The following ACBD4 variants were observed in gnomAD, a reference collection of about 807,000 sequenced individuals.
ACBD4 encodes the protein acyl-CoA-binding domain-containing protein 4.
In ACBD4, 41 loss-of-function variants were observed where a neutral mutation model predicts 46.0. That is an observed-to-expected ratio of 0.89 (90% CI 0.69 to 1.16). The LOEUF is 1.16. ACBD4 is among the 50% of genes most tolerant of loss of function. The pLI is 0.00. For missense variants in ACBD4, 393 were observed against 399.5 expected (o/e 0.98, Z 0.14); for synonymous variants, 162 against 155.9 (o/e 1.04, Z -0.29).
chr17:45,141,789 A>G (rs2055287905), intron 9 of ACBD4, among the ~76,000 whole-genome samples: 1 of 152,224 alleles, frequency 6.6e-6, no homozygotes, highest in African/African-American at 2.4e-5. Flanking sequence ...GACCACTGGC[A>G]TGGTTGAAGG....
intron 9 of ACBD4, among the ~76,000 whole-genome samples, chr17:45,139,568 C>G (rs898062879): frequency 5.3e-5 from 8 of 152,184 alleles, no homozygotes; most frequent in Non-Finnish European, 7.3e-5. Flanking sequence ...CAACTCCTAG[C>G]TCTGCTTGCC....
At chr17:45,132,861 C>A (rs569286303), upstream of ACBD4, among the ~76,000 whole-genome samples, 1 of 152,162 alleles carries the variant, frequency 6.6e-6, no homozygotes, top group Non-Finnish European at 1.5e-5. The surrounding 1 kb of genome is among the most constrained non-coding windows in gnomAD (Gnocchi z 4.6). Context: ...TCCGCGTCCC[C>A]GTCGCGCCGC....
upstream of ACBD4, chr17:45,132,275 G>A (rs199707943): frequency 7.9e-7 from 1 of 1,268,806 alleles, no homozygotes; most frequent in Non-Finnish European, 9.9e-7. This position sits in a 1 kb window ranked among gnomAD's most constrained non-coding sequence, Gnocchi z 4.6. Context: ...CGCAGCCCGG[G>A]CCTCTTGGTG....
chr17:45,141,623 C>T (rs990799209), intron 9 of ACBD4, among the ~76,000 whole-genome samples: 1 of 152,138 alleles, frequency 6.6e-6, no homozygotes, highest in Non-Finnish European at 1.5e-5. Flanking sequence ...GGTGTCACTG[C>T]ACTCCAGCTT....
At position 45,139,032 on chromosome 17, in the gene ACBD4, G is replaced by C. The variant is rs766304951; in HGVS notation, c.661G>C (p.Gly221Arg). ...VPPTKKEGLR[G>R]SPPGPQELDV... Reference sequence around the variant, plus strand: ...TCTGTGCTCCGCAGAGGGGTTGCGGGGCAGCCCGCCGGGGCCCCAGGAGTT... The same window carrying C: ...TCTGTGCTCCGCAGAGGGGTTGCGGCGCAGCCCGCCGGGGCCCCAGGAGTT... The change falls in exon 9 of 10, where the codon GGC (glycine) becomes CGC (arginine). Residue 221 changes from glycine (G) to arginine (R), a missense_variant. Around this residue, in one of 3 missense-constraint regions of ACBD4, gnomAD observed 308 missense variants for 301.8 expected, o/e 1.02. Transcript: ENST00000321854. The C allele has an allele frequency of 3.0e-5, 49 of 1,613,036 alleles. No individual in the cohort carries two copies. The highest frequency in any genetic ancestry group is 4.1e-5 in the Non-Finnish European group (48 of 1,179,984).
intron 5 of ACBD4, 102 bp from the exon 6 acceptor site, chr17:45,137,266 G>T: frequency 1.3e-6 from 2 of 1,596,268 alleles, no homozygotes; most frequent in Non-Finnish European, 1.7e-6. Flanking sequence ...CCGAGAGGTG[G>T]ATCCCAGGCA....
chr17:45,141,435 C>T (rs2055267422), intron 9 of ACBD4, among the ~76,000 whole-genome samples: 1 of 152,194 alleles, frequency 6.6e-6, no homozygotes, highest in Non-Finnish European at 1.5e-5. Context: ...CGCCTGTAAT[C>T]CCAGCACTTT....
In ACBD4 at chr17:45,143,731, C is replaced by T. The variant is rs898044413; in HGVS notation, c.*160C>T. On this transcript the variant is annotated 3_prime_UTR_variant, in exon 10 of 10. Transcript: ENST00000321854. ...GCGCGGGGGGCAAATAAGACCCCAC[C>T]CCTCCCTGCAGCTTCACAGGGACGC... 8 of 1,218,284 alleles carry T rather than the reference C, an allele frequency of 6.6e-6. No individual in the cohort carries two copies. The highest frequency in any genetic ancestry group is 4.6e-5 in the African/African-American group (3 of 65,822). 75.5% of individuals were successfully genotyped at this position (1,218,284 alleles called of 1,614,324 possible). A position where few individuals can be genotyped will look rare whatever the true frequency, so the allele number is the denominator to read the frequency against.
At chr17:45,138,049 G>T in intron 8 of ACBD4, 61 bp downstream of exon 8, 1 of 1,511,594 alleles carries the variant, frequency 6.6e-7, no homozygotes, top group East Asian at 2.4e-5. Flanking sequence ...GGCACCCCAG[G>T]CTTTCTCTTG....
intron 2 of ACBD4, 34 bp downstream of exon 2, chr17:45,136,266 T>C: frequency 6.2e-7 from 1 of 1,608,696 alleles, no homozygotes. Flanking sequence ...TGGACTCGCA[T>C]TCAGGACGCC....
Position 45,137,813 on chromosome 17 carries a change from C to G in ACBD4, c.556C>G (p.Gln186Glu), listed in dbSNP as rs1263058819. The change falls in exon 7 of 10, where the codon CAG becomes GAG. Residue 186 changes from glutamine to glutamate, a missense_variant. Gln to Glu is a conservative substitution (Grantham distance 29). Coordinates refer to ENST00000321854, the MANE Select transcript of ACBD4 (RefSeq NM_001135705.3). ...CGAGGTTTTCTGTGATTCCCTGGAG[C>G]AGCTGGAGCCTGAGCTGGTGAGCCC... ...DSEVFCDSLE[Q>E]LEPELVWTEQ... 1 of 1,613,846 alleles carries G rather than the reference C, an allele frequency of 6.2e-7. No individual in the cohort carries two copies. Among genetic ancestry groups the G allele is most frequent in the Non-Finnish European group, 8.5e-7 (1 of 1,179,942 alleles).
chr17:45,139,982 T>C (rs1160695165), intron 9 of ACBD4, among the ~76,000 whole-genome samples: 1 of 152,190 alleles, frequency 6.6e-6, no homozygotes, highest in Non-Finnish European at 1.5e-5. Context: ...GGGTCTGTTC[T>C]TGAAAAGCCT....
rs1257060715 is a variant in ACBD4 at position 45,143,855 on chromosome 17, A to G, written c.*284A>G. The stretch of plus-strand genomic sequence containing the variant: ...TTGGCCGTGACTCGGGGGCGGGGCG[A>G]TCGGGTCTCAGCCCCTGCCTTCCCC... On this transcript the variant is annotated 3_prime_UTR_variant, in exon 10 of 10. Coordinates refer to ENST00000321854, the MANE Select transcript of ACBD4 (RefSeq NM_001135705.3). 1 of 495,424 alleles carries G rather than the reference A, an allele frequency of 2.0e-6. No individual in the cohort carries two copies. Among genetic ancestry groups the G allele is most frequent in the African/African-American group, 2.0e-5 (1 of 50,506 alleles). The allele number at this position is 495,424 out of a possible 1,614,324, so 30.7% of individuals were successfully genotyped here.
In ACBD4 at chr17:45,139,120, G is replaced by A; in HGVS notation, c.749G>A (p.Arg250Lys). 1 of 1,613,836 alleles carries A rather than the reference G, an allele frequency of 6.2e-7. No homozygotes were observed. The highest frequency in any genetic ancestry group is 1.3e-5 in the African/African-American group (1 of 75,044). Residue 250 changes from arginine to lysine, a missense_variant, in exon 9 of 10, where the codon AGG (arginine) becomes AAG (lysine). Physicochemically the swap from Arg to Lys is conservative, Grantham distance 26 (BLOSUM62 2). Transcript: ENST00000321854. Reference sequence around the variant, plus strand: ...GAGAGCATGCAGGAGGTGCAGGCGAGGGTGCAGAGCCTGGAGAGCATGCCC... The same window carrying A: ...GAGAGCATGCAGGAGGTGCAGGCGAAGGTGCAGAGCCTGGAGAGCATGCCC... ...LQESMQEVQA[R>K]VQSLESMPRP...
upstream of ACBD4, among the ~76,000 whole-genome samples, chr17:45,134,904 T>TC (rs142467173): frequency 0.014 from 2,070 of 151,114 alleles, 45 homozygotes; most frequent in East Asian, 0.044. Context: ...TGTACCCATT[T>TC]CCCCCCCTCC....
upstream of ACBD4, chr17:45,132,360 CG>C: frequency 2.4e-6 from 3 of 1,230,342 alleles, no homozygotes; most frequent in Non-Finnish European, 3.0e-6. The surrounding 1 kb of genome is among the most constrained non-coding windows in gnomAD (Gnocchi z 4.6). Flanking sequence ...GGGCGGCCAC[CG>C]GGGGCTCCTC....
Position 45,137,618 on chromosome 17 carries a change from C to A in ACBD4, c.503-142C>A, listed in dbSNP as rs1026145489. ...TCCTGTTCCAGGGCCTTGCTTCTGG[C>A]GCCCATCTGTGCCTCAGGTGTTGAT... is the stretch of plus-strand genomic sequence containing the variant. On this transcript the variant is annotated intron_variant, in intron 6 of 9. Coordinates refer to ENST00000321854, the MANE Select transcript of ACBD4 (RefSeq NM_001135705.3). 13 of 1,303,348 alleles carry A rather than the reference C, an allele frequency of 1.0e-5. No individual in the cohort carries two copies. In the East Asian group the frequency reaches 2.5e-4, roughly 25 times the overall value. The allele number at this position is 1,303,348 out of a possible 1,614,324, so 80.7% of individuals were successfully genotyped here. A position where few individuals can be genotyped will look rare whatever the true frequency, so the allele number is the denominator to read the frequency against.
intron 9 of ACBD4, among the ~76,000 whole-genome samples, chr17:45,142,128 C>T (rs1354254240): frequency 1.3e-5 from 2 of 151,858 alleles, no homozygotes; most frequent in South Asian, 2.1e-4. Flanking sequence ...TACGGTGGCT[C>T]ACGCCTGTAA....
Position 45,135,921 on chromosome 17 carries a change from C to T in ACBD4, c.-70C>T. The stretch of plus-strand genomic sequence containing the variant: ...AGGCCCTCGCCACCTGCCTCGCCAC[C>T]TGGCGACCCTGACCCCACCACACTG... On this transcript the variant is annotated 5_prime_UTR_variant, in exon 1 of 10. Coordinates refer to ENST00000321854, the MANE Select transcript of ACBD4 (RefSeq NM_001135705.3). The T allele has an allele frequency of 1.9e-6, 1 of 537,754 alleles. No individual in the cohort carries two copies. The highest frequency in any genetic ancestry group is 3.1e-5 in the East Asian group (1 of 31,780). 33.3% of individuals were successfully genotyped at this position (537,754 alleles called of 1,614,324 possible). A position where few individuals can be genotyped will look rare whatever the true frequency, so the allele number is the denominator to read the frequency against.
Sources: allele counts gnomAD v4.1 joint callset (sites outside exome capture counted in the v4.1 genomes callset), GRCh38; gene constraint gnomAD v4.1.1; regional missense constraint gnomAD v4.1.1; non-coding constraint Gnocchi (gnomAD v3.1); transcripts MANE v1.5; gene names NCBI Gene and HGNC (gene_info 2026-07-23, HGNC 2026-07-21).